Variants in RASSF3 observed in about 807,000 individuals in gnomAD.
The protein encoded by RASSF3 is ras association domain-containing protein 3.
A neutral mutation model predicts 19.9 loss-of-function variants in RASSF3; 19 were observed. The ratio of observed to expected loss-of-function variants is 0.96; its 90% CI spans 0.67 to 1.40. The LOEUF is 1.40. Ranked by LOEUF, RASSF3 falls within the 40% of genes most tolerant of loss-of-function variation. The pLI is 0.00. For missense variants in RASSF3, 306 were observed against 289.8 expected, an observed-to-expected ratio of 1.06 and a Z score of -0.41; for synonymous variants, 110 against 104.2, an observed-to-expected ratio of 1.06 and a Z score of -0.34.
chr12:64,557,698 T>G (rs1236356667), intron 2 of RASSF3, among the ~76,000 whole-genome samples: 1 of 152,110 alleles, frequency 6.6e-6, no homozygotes, highest in Admixed American at 6.5e-5. Flanking sequence ...CACAGAGACA[T>G]CTCTGATTTA....
intron 1 of RASSF3, among the ~76,000 whole-genome samples, chr12:64,621,767 C>T (rs770680778): frequency 3.9e-5 from 6 of 151,994 alleles, no homozygotes; most frequent in South Asian, 2.1e-4. Context: ...CCACCGTGCC[C>T]GGCCCAGGCA....
intron 1 of RASSF3, among the ~76,000 whole-genome samples, chr12:64,645,924 T>C (rs1411144352): frequency 1.3e-5 from 2 of 152,308 alleles, no homozygotes; most frequent in South Asian, 2.1e-4. Flanking sequence ...GAACCACTAG[T>C]CTGACTTTTA....
At chr12:64,533,705 T>A (rs1223426836) in intron 1 of RASSF3, 1 of 152,158 alleles carries the variant, frequency 6.6e-6, no homozygotes, top group Non-Finnish European at 1.5e-5. Context: ...GTTATAAATA[T>A]AAAGGACAAG....
intron 1 of RASSF3, among the ~76,000 whole-genome samples, chr12:64,617,076 G>C (rs566247674): frequency 1.9e-4 from 29 of 152,138 alleles, no homozygotes; most frequent in Non-Finnish European, 3.2e-4. Flanking sequence ...ATGAAAGCCT[G>C]CTCATTTTGG....
chr12:64,649,003 T>C (rs867813322), intron 1 of RASSF3, among the ~76,000 whole-genome samples: 17 of 150,902 alleles, frequency 1.1e-4, no homozygotes, highest in African/African-American at 3.9e-4. Flanking sequence ...AGAGACAGGG[T>C]CTCATTATGT....
upstream of RASSF3, among the ~76,000 whole-genome samples, chr12:64,606,354 T>C (rs372447804): frequency 1.6e-4 from 25 of 152,176 alleles, 1 homozygote; most frequent in East Asian, 2.9e-3. Flanking sequence ...AAGTGAGTGA[T>C]GAATGTTAAG....
chr12:64,689,788 A>ACTTTTTTTTTT (rs1868254221), intron 3 of RASSF3, among the ~76,000 whole-genome samples: 1 of 42,916 alleles, frequency 2.3e-5, no homozygotes, highest in Non-Finnish European at 5.5e-5. Flanking sequence ...TAATTCGCTA[A>ACTTTTTTTTTT]TTCTTTTTTT....
At chr12:64,525,190 C>G (rs1437764536) in intron 1 of RASSF3, among the ~76,000 whole-genome samples, 5 of 152,176 alleles carry the variant, frequency 3.3e-5, no homozygotes, top group Non-Finnish European at 7.3e-5. Context: ...GCAGGAGAAT[C>G]ACTTGAACCT....
At chr12:64,626,873 T>G (rs1041504995) in intron 1 of RASSF3, among the ~76,000 whole-genome samples, 14 of 152,250 alleles carry the variant, frequency 9.2e-5, no homozygotes, top group Non-Finnish European at 2.1e-4. Context: ...CCAGCATTCT[T>G]AATTAAAATA....
intron 3 of RASSF3, among the ~76,000 whole-genome samples, chr12:64,690,936 C>T (rs1868270777): frequency 6.6e-6 from 1 of 152,070 alleles, no homozygotes; most frequent in Non-Finnish European, 1.5e-5. Flanking sequence ...TCTCGGCTCA[C>T]TCCAACCTCC....
intron 1 of RASSF3, among the ~76,000 whole-genome samples, chr12:64,653,399 T>A (rs2620730): frequency 0.31 from 46,885 of 151,844 alleles, 7,435 homozygotes; most frequent in Non-Finnish European, 0.36. Context: ...TCCCCTTTTC[T>A]TAGGGACATC....
chr12:64,507,203 G>T, exon 1 of RASSF3: 1 of 398,582 alleles, frequency 2.5e-6, no homozygotes, highest in Non-Finnish European at 4.4e-6. Flanking sequence ...CCTGGTTCTC[G>T]CTATGGCCAT....
At chr12:64,516,364 A>G (rs1868365434) in intron 1 of RASSF3, among the ~76,000 whole-genome samples, 1 of 152,222 alleles carries the variant, frequency 6.6e-6, no homozygotes, top group Non-Finnish European at 1.5e-5. Context: ...TCACGCCTGT[A>G]ATCCCAGCAC....
intron 1 of RASSF3, among the ~76,000 whole-genome samples, chr12:64,626,680 A>G (rs562080765): frequency 6.6e-6 from 1 of 151,888 alleles, no homozygotes; most frequent in African/African-American, 2.4e-5. Context: ...TCCCACCTCA[A>G]CCTCCTGAGT....
intron 2 of RASSF3, among the ~76,000 whole-genome samples, chr12:64,550,463 A>C (rs11175442): frequency 1.3e-4 from 19 of 151,656 alleles, no homozygotes; most frequent in African/African-American, 4.1e-4. Flanking sequence ...TCAGGAGTTC[A>C]AGACCAGCCT....
chr12:64,585,651 C>CTGCAG (rs1869784250), intron 2 of RASSF3, among the ~76,000 whole-genome samples: 1 of 139,516 alleles, frequency 7.2e-6, no homozygotes, highest in Non-Finnish European at 1.5e-5. Flanking sequence ...GTCACCCAGG[C>CTGCAG]TGCAGTGCAG....
intron 2 of RASSF3, among the ~76,000 whole-genome samples, chr12:64,569,249 C>A (rs1333204826): frequency 1.3e-5 from 2 of 152,248 alleles, no homozygotes; most frequent in African/African-American, 4.8e-5. Context: ...CCATGCTTTG[C>A]TGTAACTATT....
intron 2 of RASSF3, among the ~76,000 whole-genome samples, chr12:64,567,708 A>T (rs1869452823): frequency 6.6e-6 from 1 of 152,232 alleles, no homozygotes. Context: ...GCAACTGCTA[A>T]CGTCCTGTTC....
chr12:64,607,285 A>C (rs965154844), upstream of RASSF3, among the ~76,000 whole-genome samples: 3 of 152,108 alleles, frequency 2.0e-5, no homozygotes, highest in Non-Finnish European at 4.4e-5. Context: ...CTCAAAAAAA[A>C]AAAAAGCTAC....
Sources: allele counts gnomAD v4.1 joint callset (sites outside exome capture counted in the v4.1 genomes callset), GRCh38; gene constraint gnomAD v4.1.1; transcripts MANE v1.5; gene names NCBI Gene and HGNC (gene_info 2026-07-23, HGNC 2026-07-21).